The following CD109 variants were observed in gnomAD, a reference collection of about 807,000 sequenced individuals.
The protein encoded by CD109 is CD109 molecule.
Under a neutral mutation model 165.8 loss-of-function variants are expected in CD109, and 149 were observed. The observed-to-expected ratio is 0.90, with a 90% CI of 0.79 to 1.03. The LOEUF is 1.03. Among genes scored for constraint, CD109 ranks in the 50% least tolerant of loss-of-function variants. CD109 has a pLI of 0.00. For missense variants in CD109, 1,712 were observed against 1,677.8 expected (o/e 1.02, Z -0.36); for synonymous variants, 585 against 592.1 (o/e 0.99, Z 0.18).
chr6:73,827,639 T>G lies in CD109; in HGVS notation c.*4006T>G, dbSNP rs558192177. 6.6e-6 allele frequency: 1 copy of G among 152,288 alleles called. No individual in the cohort carries two copies. The highest frequency in any genetic ancestry group is 2.1e-4 in the South Asian group (1 of 4,828). The allele number at this position is 152,288 out of a possible 1,614,324, so 9.4% of individuals were successfully genotyped here. A position where few individuals can be genotyped will look rare whatever the true frequency, so the allele number is the denominator to read the frequency against. On this transcript the variant is annotated 3_prime_UTR_variant, in exon 33 of 33. Coordinates refer to ENST00000287097, the MANE Select transcript of CD109 (RefSeq NM_133493.5). ...ATATATCAGTGAGAGTAGGCTTGTT[T>G]TACAACTATTTCTAGCCAGTGAGTT...
rs117802640 is a variant in CD109 at position 73,750,488 on chromosome 6, A to G, written c.634-6155A>G. Among the ~76,000 whole-genome samples the G allele has an allele frequency of 7.2e-3, 1,092 of 152,286 alleles. 9 individuals carry two copies. Among genetic ancestry groups the G allele is most frequent in the Middle Eastern group, 0.027 (8 of 294 alleles). ...AAGGGAGTGAGGCCTGAGAAAGGTG[A>G]CAGGCGGTTAGAGGAAAGCAACCTG... On this transcript the variant is annotated intron_variant, in intron 5 of 32. Transcript: ENST00000287097.
chr6:73,683,564 C>G, the CD109 span, among the ~76,000 whole-genome samples: 3 of 152,310 alleles, frequency 2.0e-5, no homozygotes, highest in African/African-American at 7.2e-5. Flanking sequence ...TGCCTGTTAC[C>G]CATTTCCAAA....
At chr6:73,690,712 CATTTT>C in the CD109 span, among the ~76,000 whole-genome samples, 1 of 152,126 alleles carries the variant, frequency 6.6e-6, no homozygotes, top group Non-Finnish European at 1.5e-5. Flanking sequence ...AGCTGATGAA[CATTTT>C]ATTTAAAAAA....
chr6:73,723,209 C>G, intron 2 of CD109, 42 bp from the exon 3 acceptor site: 1 of 1,610,694 alleles, frequency 6.2e-7, no homozygotes. Context: ...TCATCATATT[C>G]AAATTGTGCT....
rs568874350 is a variant in CD109, at chr6:73,707,768, T to C, written c.247+10196T>C. 5.3e-5 allele frequency among the ~76,000 whole-genome samples: 8 copies of C among 152,190 alleles called. No individual in the cohort carries two copies. In the East Asian group the frequency reaches 7.7e-4, roughly 15 times the overall value. ...GTTCCAAGAAATGCAATAAAACTTA[T>C]GATTTTAAAATAATGATTTCATGTT... On this transcript the variant is annotated intron_variant, in intron 2 of 32. Coordinates refer to ENST00000287097, the MANE Select transcript of CD109 (RefSeq NM_133493.5).
chr6:73,811,125 G>A lies in CD109; in HGVS notation c.3680G>A (p.Arg1227His), dbSNP rs775503130. Residue 1227 changes from arginine (R) to histidine (H), a missense_variant, in exon 28 of 33, where the codon CGC (arginine) becomes CAC (histidine). Arg to His is a conservative substitution (Grantham distance 29). Transcript: ENST00000287097. ...AAGTTTCTGATTGACACACACAACC[G>A]CTTACTCCTTCAGACAGCAGAGGTG... Reference protein sequence around the residue: ...PVKFLIDTHNRLLLQTAELAV... With the variant: ...PVKFLIDTHNHLLLQTAELAV... 27 of 1,612,860 alleles carry A rather than the reference G, an allele frequency of 1.7e-5. No homozygotes were observed. The highest frequency in any genetic ancestry group is 1.6e-4 in the Middle Eastern group (1 of 6,070).
chr6:73,755,614 A>G (rs1181469699), intron 5 of CD109, among the ~76,000 whole-genome samples: 1 of 152,116 alleles, frequency 6.6e-6, no homozygotes, highest in Non-Finnish European at 1.5e-5. Flanking sequence ...TACATAGCCA[A>G]TTTGGAGAGG....
In CD109 at chr6:73,758,501, T is replaced by G. The variant is rs1773487462; in HGVS notation, c.674-443T>G. On this transcript the variant is annotated intron_variant, in intron 6 of 32. Coordinates refer to ENST00000287097, the MANE Select transcript of CD109 (RefSeq NM_133493.5). ...CCTGGGTTCAAGCGATTCTCCTGCC[T>G]CAGCCTCCTGAGTAGCTGGGATTAC... Among the ~76,000 whole-genome samples, 4 of 152,154 alleles carry G rather than the reference T, an allele frequency of 2.6e-5. No homozygotes were observed. In the South Asian group the frequency reaches 6.2e-4, roughly 24 times the overall value.
intron 15 of CD109, among the ~76,000 whole-genome samples, chr6:73,778,143 C>G (rs1774330031): frequency 6.6e-6 from 1 of 152,056 alleles, no homozygotes; most frequent in Non-Finnish European, 1.5e-5. Flanking sequence ...TAGCTGTGTT[C>G]TTAAGTATTT....
chr6:73,807,145 T>C, intron 25 of CD109, 73 bp downstream of exon 25: 1 of 1,087,552 alleles, frequency 9.2e-7, no homozygotes, highest in Non-Finnish European at 1.4e-6. Flanking sequence ...GTCAAATATG[T>C]GTGTGGAAAC....
rs1421186229 is a variant in CD109, at chr6:73,815,116, T to A, written c.3904T>A (p.Cys1302Ser). The change falls in exon 30 of 33, where the codon TGT becomes AGT. Residue 1302 changes from cysteine (C) to serine (S), a missense_variant. Coordinates refer to ENST00000287097, the MANE Select transcript of CD109 (RefSeq NM_133493.5). The stretch of plus-strand genomic sequence containing the variant: ...TCTCAATCATGTGGATTTGAATGTG[T>A]GTACAAGGTAAGTGTCTGCTTAGGT... The part of the protein sequence containing the change: ...DDLNHVDLNV[C>S]TSFSGPGRSG... 4.4e-6 allele frequency: 7 copies of A among 1,583,578 alleles called. No individual in the cohort carries two copies. The East Asian group carries it at 1.6e-4, about 36-fold the overall frequency.
At position 73,698,164 on chromosome 6, in the gene CD109, CA is replaced by C. The variant is rs1562016737; in HGVS notation, c.247+593del. On this transcript the variant is annotated intron_variant, in intron 2 of 32. Coordinates refer to ENST00000287097, the MANE Select transcript of CD109 (RefSeq NM_133493.5). ...GTGTGAAAGTGGGAGCCATTTGTAG[CA>C]GAACCAAGTTTGGTTCTTGTTTCAA... 3.3e-5 allele frequency among the ~76,000 whole-genome samples: 5 copies of C among 152,264 alleles called. No individual in the cohort carries two copies. The South Asian group carries it at 1.0e-3, about 32-fold the overall frequency.
chr6:73,698,643 A>G (rs923992046), intron 2 of CD109, among the ~76,000 whole-genome samples: 1 of 152,242 alleles, frequency 6.6e-6, no homozygotes, highest in Non-Finnish European at 1.5e-5. Context: ...GTTTATCTGC[A>G]TCTGTGGTTC....
chr6:73,700,688 G>T (rs927314157), intron 2 of CD109, among the ~76,000 whole-genome samples: 1 of 149,454 alleles, frequency 6.7e-6, no homozygotes, highest in Non-Finnish European at 1.5e-5. Context: ...ATATGGGGGA[G>T]ATTTTATTTA....
At chr6:73,762,268 A>G in intron 7 of CD109, 116 bp from the exon 8 acceptor site, 2 of 733,882 alleles carry the variant, frequency 2.7e-6, no homozygotes, top group East Asian at 5.5e-5. Context: ...GCCCAATGTA[A>G]TTTTTTAAAA....
intron 2 of CD109, among the ~76,000 whole-genome samples, chr6:73,701,533 G>GA (rs1029985908): frequency 2.0e-5 from 3 of 151,834 alleles, no homozygotes; most frequent in African/African-American, 7.3e-5. Context: ...GCCAAATCAA[G>GA]AAAAAAGAAA....
intron 30 of CD109, among the ~76,000 whole-genome samples, chr6:73,816,417 A>G (rs1298504646): frequency 1.3e-5 from 2 of 152,152 alleles, no homozygotes; most frequent in African/African-American, 4.8e-5. Context: ...CATATCATTT[A>G]ATTCTTACAG....
rs147947606 is a variant in CD109, at chr6:73,766,956, G to A, written c.1443G>A (p.Ser481=). The part of the protein sequence containing the change: ...KTRDENIKVG[S]PFELVVSGNK... ...TTAAGGTTTTTTTCTAGGTGGGATC[G>A]CCTTTTGAGTTGGTGGTTAGTGGCA... is the stretch of plus-strand genomic sequence containing the variant. Residue 481 remains serine, a synonymous_variant, in exon 13 of 33, where the codon TCG becomes TCA. Transcript: ENST00000287097. The A allele has an allele frequency of 4.8e-4, 780 of 1,613,400 alleles. 2 individuals are homozygous for A. The African/African-American group carries it at 6.0e-3, about 13-fold the overall frequency.
At chr6:73,705,273 T>C (rs769861202) in intron 2 of CD109, among the ~76,000 whole-genome samples, 1 of 152,088 alleles carries the variant, frequency 6.6e-6, no homozygotes, top group Non-Finnish European at 1.5e-5. Context: ...ATACATAAGA[T>C]GCACAAGAGA....
Sources: gnomAD v4.1 joint callset for allele counts (sites outside exome capture counted in the v4.1 genomes callset) on GRCh38, gnomAD v4.1.1 for gene constraint, MANE v1.5 for transcripts, NCBI Gene and HGNC (gene_info 2026-07-23, HGNC 2026-07-21) for gene names.